The following LINGO2 variants were observed in gnomAD, a reference collection of about 807,000 sequenced individuals.
LINGO2 encodes leucine-rich repeat and immunoglobulin-like domain-containing nogo receptor-interacting protein 2.
In LINGO2, 14 loss-of-function variants were observed where a neutral mutation model predicts 30.6. The ratio of observed to expected loss-of-function variants is 0.46; its 90% CI spans 0.30 to 0.72. The LOEUF (loss-of-function observed/expected upper bound fraction) is 0.72. Ranked by LOEUF, LINGO2 falls within the 30% of genes least tolerant of loss-of-function variation. The pLI, the probability that LINGO2 is intolerant of heterozygous loss-of-function variation, is 0.07. For missense variants in LINGO2, 729 were observed against 751.7 expected (o/e 0.97, Z 0.35); for synonymous variants, 317 against 288.5 (o/e 1.10, Z -1.00).
At chr9:29,209,313 G>T in the LINGO2 span, among the ~76,000 whole-genome samples, 1 of 152,016 alleles carries the variant, frequency 6.6e-6, no homozygotes, top group Non-Finnish European at 1.5e-5. Context: ...ATAAACTGAT[G>T]ACTCGAACTC....
chr9:28,036,978 A>G (rs1323355486), intron 4 of LINGO2, among the ~76,000 whole-genome samples: 1 of 152,162 alleles, frequency 6.6e-6, no homozygotes, highest in Non-Finnish European at 1.5e-5. Flanking sequence ...CAAGTGTAAC[A>G]TTTACTGCAC....
chr9:28,390,584 AAAG>A (rs1821787185), intron 2 of LINGO2, among the ~76,000 whole-genome samples: 1 of 151,756 alleles, frequency 6.6e-6, no homozygotes, highest in Non-Finnish European at 1.5e-5. Flanking sequence ...GAAAAAAAAA[AAAG>A]AGAAAACTTC....
At chr9:28,813,214 C>T in the LINGO2 span, among the ~76,000 whole-genome samples, 1 of 152,106 alleles carries the variant, frequency 6.6e-6, no homozygotes, top group African/African-American at 2.4e-5. Context: ...CAGCCCCCCC[C>T]AATTAGCTGC....
chr9:28,733,362 G>GAT, the LINGO2 span, among the ~76,000 whole-genome samples: 1 of 152,108 alleles, frequency 6.6e-6, no homozygotes, highest in South Asian at 2.1e-4. Context: ...ACTGGTTTTT[G>GAT]ATATATATTT....
chr9:28,756,530 G>T, the LINGO2 span, among the ~76,000 whole-genome samples: 1 of 151,806 alleles, frequency 6.6e-6, no homozygotes, highest in Non-Finnish European at 1.5e-5. Context: ...ATGATATTGG[G>T]GAGAGAAATG....
chr9:28,470,420 T>C (rs1393102843), intron 2 of LINGO2, among the ~76,000 whole-genome samples: 1 of 152,154 alleles, frequency 6.6e-6, no homozygotes, highest in Non-Finnish European at 1.5e-5. Flanking sequence ...TGGAAACTAA[T>C]AGTACTGGAA....
At chr9:28,333,589 T>C (rs7859215) in intron 3 of LINGO2, among the ~76,000 whole-genome samples, 2,243 of 152,284 alleles carry the variant, frequency 0.015, 56 homozygotes, top group African/African-American at 0.051. Flanking sequence ...AAAATGTACA[T>C]TGTTATTCAG....
At chr9:29,062,783 C>G in the LINGO2 span, among the ~76,000 whole-genome samples, 1 of 152,064 alleles carries the variant, frequency 6.6e-6, no homozygotes, top group Non-Finnish European at 1.5e-5. Flanking sequence ...AAAAAAGTAC[C>G]TTATCAAGAT....
intron 4 of LINGO2, among the ~76,000 whole-genome samples, chr9:28,013,756 C>A (rs1181218076): frequency 6.6e-6 from 1 of 152,102 alleles, no homozygotes; most frequent in Non-Finnish European, 1.5e-5. Flanking sequence ...TTCTATACCC[C>A]TACTTTCAAC....
At chr9:29,161,346 C>T in the LINGO2 span, among the ~76,000 whole-genome samples, 1 of 152,338 alleles carries the variant, frequency 6.6e-6, no homozygotes, top group South Asian at 2.1e-4. Context: ...CATCCACCCA[C>T]TCCCCTTGGA....
intron 4 of LINGO2, among the ~76,000 whole-genome samples, chr9:28,175,633 A>G (rs1828729606): frequency 6.6e-6 from 1 of 152,178 alleles, no homozygotes; most frequent in Admixed American, 6.5e-5. Context: ...TGACTACGAG[A>G]TATGATCCTT....
the LINGO2 span, among the ~76,000 whole-genome samples, chr9:28,721,147 G>A: frequency 1.3e-5 from 2 of 151,928 alleles, no homozygotes; most frequent in Admixed American, 6.6e-5. Flanking sequence ...TTAGAATGGC[G>A]ATCATTAACT....
chr9:29,213,302 C>T, the LINGO2 span, among the ~76,000 whole-genome samples: 10 of 152,176 alleles, frequency 6.6e-5, no homozygotes, highest in Admixed American at 1.3e-4. Context: ...TCCCCCCTTT[C>T]TCCCCTTAAT....
the LINGO2 span, among the ~76,000 whole-genome samples, chr9:29,113,051 C>G: frequency 6.6e-6 from 1 of 152,098 alleles, no homozygotes; most frequent in Non-Finnish European, 1.5e-5. Context: ...GGCAAAGTAT[C>G]GTAATTGTCA....
chr9:28,473,989 T>G (rs1825628939), intron 2 of LINGO2, among the ~76,000 whole-genome samples: 2 of 152,126 alleles, frequency 1.3e-5, no homozygotes, highest in African/African-American at 4.8e-5. Flanking sequence ...CTTTAATGTT[T>G]ACTCACAACC....
intron 1 of LINGO2, among the ~76,000 whole-genome samples, chr9:28,602,046 C>T (rs896939983): frequency 6.6e-6 from 1 of 152,028 alleles, no homozygotes; most frequent in Non-Finnish European, 1.5e-5. Flanking sequence ...CAAAGAAGTG[C>T]TCCCTGGAGA....
At chr9:28,227,423 A>G (rs1214944004) in intron 4 of LINGO2, among the ~76,000 whole-genome samples, 1 of 152,010 alleles carries the variant, frequency 6.6e-6, no homozygotes, top group Non-Finnish European at 1.5e-5. Flanking sequence ...CCCAGCTATA[A>G]TTTATGTCTC....
intron 4 of LINGO2, among the ~76,000 whole-genome samples, chr9:28,285,498 C>T (rs954067612): frequency 3.0e-4 from 45 of 150,632 alleles, no homozygotes; most frequent in African/African-American, 6.6e-4. Context: ...GTCCGCCTCC[C>T]GGGTTCATGC....
chr9:28,270,374 C>T (rs762718638), intron 4 of LINGO2, among the ~76,000 whole-genome samples: 28 of 151,910 alleles, frequency 1.8e-4, no homozygotes, highest in Non-Finnish European at 3.1e-4. Context: ...CTTTGGCTGG[C>T]AGCACTAGCA....
Sources: gnomAD v4.1 joint callset for allele counts (sites outside exome capture counted in the v4.1 genomes callset) on GRCh38, gnomAD v4.1.1 for gene constraint, MANE v1.5 for transcripts, NCBI Gene and HGNC (gene_info 2026-07-23, HGNC 2026-07-21) for gene names.